Variants in TMTC1 observed in about 807,000 individuals in gnomAD.
The protein encoded by TMTC1 is protein O-mannosyl-transferase TMTC1.
Under a neutral mutation model 104.8 loss-of-function variants are expected in TMTC1, and 73 were observed. The observed-to-expected ratio is 0.70, with a 90% CI of 0.58 to 0.85. The LOEUF is 0.85. TMTC1 is among the 40% of genes least tolerant of loss of function. TMTC1 has a pLI of 0.00. For synonymous variants in TMTC1, 434 were observed against 428.7 expected (o/e 1.01, Z -0.15); for missense variants, 1,035 against 1,096.1 (o/e 0.94, Z 0.79).
At chr12:29,676,675 C>T (rs761604433) in intron 5 of TMTC1, among the ~76,000 whole-genome samples, 6 of 152,180 alleles carry the variant, frequency 3.9e-5, no homozygotes, top group Non-Finnish European at 7.3e-5. Flanking sequence ...CTCTTCAAGA[C>T]GTGAGGACAC....
chr12:29,683,256 T>C lies in TMTC1; in HGVS notation c.939-49920A>G, dbSNP rs531026956. Among the ~76,000 whole-genome samples, 7 of 152,298 alleles carry C rather than the reference T, an allele frequency of 4.6e-5. No homozygotes were observed. In the South Asian group the frequency reaches 1.4e-3, roughly 32 times the overall value. On this transcript the variant is annotated intron_variant, in intron 5 of 17. Transcript: ENST00000539277. ...GTACAATACCAGGTTTAGGATTCAA[T>C]CACGAGGTCAAGAGGGTTTAAAACT...
rs752705361 is a variant in TMTC1, at chr12:29,656,044, C to T, written c.939-22708G>A. 7.4e-4 allele frequency among the ~76,000 whole-genome samples: 113 copies of T among 152,212 alleles called. 1 individual carries two copies. Among genetic ancestry groups the T allele is most frequent in the South Asian group, 1.4e-3 (7 of 4,828 alleles). Reference sequence around the variant, plus strand: ...ACCACCTGGCAAGCCCCTGGTTACTCACAACAGACTGCAGAGCCAGCCAAG... The same window carrying T: ...ACCACCTGGCAAGCCCCTGGTTACTTACAACAGACTGCAGAGCCAGCCAAG... On this transcript the variant is annotated intron_variant, in intron 5 of 17. Transcript: ENST00000539277.
chr12:29,780,581 T>G (rs1943812078), intron 1 of TMTC1, among the ~76,000 whole-genome samples: 1 of 152,212 alleles, frequency 6.6e-6, no homozygotes, highest in African/African-American at 2.4e-5. Context: ...TTGTTCCGTA[T>G]CTTGACTGTG....
At chr12:29,743,361 G>A (rs961180860) in intron 5 of TMTC1, among the ~76,000 whole-genome samples, 2 of 152,050 alleles carry the variant, frequency 1.3e-5, no homozygotes, top group Non-Finnish European at 2.9e-5. Context: ...CTGGCCATTG[G>A]GAAGTGCTAC....
At chr12:29,695,830 A>ATATATATATATATATATAC (rs1555188384) in intron 5 of TMTC1, among the ~76,000 whole-genome samples, 1 of 66,010 alleles carries the variant, frequency 1.5e-5, no homozygotes, top group Non-Finnish European at 4.2e-5. Flanking sequence ...TATATATATA[A>ATATATATATATATATATAC]CCTGTCTTCA....
upstream of TMTC1, among the ~76,000 whole-genome samples, chr12:29,784,120 G>C (rs1369376323): frequency 6.6e-6 from 1 of 151,974 alleles, no homozygotes; most frequent in Non-Finnish European, 1.5e-5. Context: ...CGCGGCGCGC[G>C]GCTGCCCGGG....
chr12:29,754,145 G>A (rs1215444235), intron 4 of TMTC1, among the ~76,000 whole-genome samples: 10 of 149,450 alleles, frequency 6.7e-5, no homozygotes, highest in South Asian at 6.4e-4. Context: ...GATTACAGGC[G>A]TGAGCCACCA....
intron 5 of TMTC1, among the ~76,000 whole-genome samples, chr12:29,677,745 T>C (rs975295377): frequency 1.3e-5 from 2 of 152,248 alleles, no homozygotes; most frequent in African/African-American, 4.8e-5. Flanking sequence ...ATTAGTGATG[T>C]AGCAGCCAGC....
chr12:29,507,478 C>T (rs569560207), intron 17 of TMTC1, among the ~76,000 whole-genome samples: 9 of 152,302 alleles, frequency 5.9e-5, no homozygotes, highest in South Asian at 4.1e-4. Context: ...CAGCTTAAAA[C>T]GTAAAAGTAA....
intron 11 of TMTC1, among the ~76,000 whole-genome samples, chr12:29,530,917 G>A (rs577784457): frequency 1.6e-4 from 24 of 152,088 alleles, no homozygotes; most frequent in South Asian, 6.2e-4. Flanking sequence ...TATATCTATC[G>A]GTCCTTTAGA....
intron 5 of TMTC1, among the ~76,000 whole-genome samples, chr12:29,710,926 A>ATAT (rs1941902975): frequency 8.4e-5 from 1 of 11,930 alleles, no homozygotes; most frequent in African/African-American, 1.1e-4. Flanking sequence ...AATATATATA[A>ATAT]ATATATTAAT....
intron 5 of TMTC1, among the ~76,000 whole-genome samples, chr12:29,675,662 G>A (rs1297655117): frequency 6.6e-6 from 1 of 151,430 alleles, no homozygotes; most frequent in African/African-American, 2.4e-5. Context: ...TTGTGAATAA[G>A]AGTTTAATCA....
intron 5 of TMTC1, among the ~76,000 whole-genome samples, chr12:29,736,660 C>T (rs927740177): frequency 5.9e-5 from 9 of 152,118 alleles, no homozygotes; most frequent in Non-Finnish European, 5.9e-5. Context: ...CCTTGTGATC[C>T]GCCCACCTCG....
At chr12:29,694,347 G>A (rs575540349) in intron 5 of TMTC1, among the ~76,000 whole-genome samples, 1 of 152,062 alleles carries the variant, frequency 6.6e-6, no homozygotes, top group African/African-American at 2.4e-5. Flanking sequence ...GACCCCCTGG[G>A]GATATCAAAA....
At chr12:29,664,836 T>C (rs530071808) in intron 5 of TMTC1, among the ~76,000 whole-genome samples, 129 of 152,378 alleles carry the variant, frequency 8.5e-4, no homozygotes, top group African/African-American at 3.0e-3. Flanking sequence ...ATTACTATTT[T>C]TTTCTAATTC....
At chr12:29,563,687 A>G in intron 9 of TMTC1, among the ~76,000 whole-genome samples, 1 of 152,182 alleles carries the variant, frequency 6.6e-6, no homozygotes, top group Non-Finnish European at 1.5e-5. Context: ...TGACTCTAAG[A>G]GCCCTGTGAT....
At chr12:29,550,784 C>G (rs1279040800) in intron 10 of TMTC1, among the ~76,000 whole-genome samples, 1 of 151,828 alleles carries the variant, frequency 6.6e-6, no homozygotes, top group Non-Finnish European at 1.5e-5. Context: ...CCCTGGTGCT[C>G]AAGTCCCTGA....
intron 7 of TMTC1, among the ~76,000 whole-genome samples, chr12:29,600,270 A>G (rs1405352630): frequency 1.3e-5 from 2 of 152,116 alleles, no homozygotes; most frequent in African/African-American, 4.8e-5. Context: ...GGAAGATTTC[A>G]GAAACTCTTA....
intron 5 of TMTC1, among the ~76,000 whole-genome samples, chr12:29,658,067 T>A (rs2136630619): frequency 6.6e-6 from 1 of 152,146 alleles, no homozygotes; most frequent in East Asian, 1.9e-4. Flanking sequence ...CACTCCACAC[T>A]GGGAGACAGA....
Sources: gnomAD v4.1 joint callset for allele counts (sites outside exome capture counted in the v4.1 genomes callset) on GRCh38, gnomAD v4.1.1 for gene constraint, MANE v1.5 for transcripts, NCBI Gene and HGNC (gene_info 2026-07-23, HGNC 2026-07-21) for gene names.